The following ZNF554 variants were observed in gnomAD, a reference collection of about 807,000 sequenced individuals.
The protein encoded by ZNF554 is zinc finger protein 554.
Under a neutral mutation model 21.2 loss-of-function variants are expected in ZNF554, and 15 were observed. The observed-to-expected ratio is 0.71, with a 90% CI of 0.47 to 1.09. The LOEUF is 1.09. ZNF554 is among the 50% of genes least tolerant of loss of function. ZNF554 has a pLI of 0.00. For missense variants in ZNF554, 691 were observed against 662.7 expected, an observed-to-expected ratio of 1.04 and a Z score of -0.47; for synonymous variants, 258 against 251.4, an observed-to-expected ratio of 1.03 and a Z score of -0.25.
Position 2,821,106 on chromosome 19 carries a change from TC to T in ZNF554, c.53+983del, listed in dbSNP as rs2087257449. On this transcript the variant is annotated intron_variant, in intron 1 of 4. Transcript: ENST00000317243. This position sits in a 1 kb window ranked among gnomAD's most constrained non-coding sequence, Gnocchi z 8.2. ...TTTCTTTTTCTTCTTCTTTTTTTTT[TC>T]TTGAGACAGTCTCGCCCTATTGCCC... 6.6e-6 allele frequency among the ~76,000 whole-genome samples: 1 copy of T among 151,516 alleles called. No individual in the cohort carries two copies. Among genetic ancestry groups the T allele is most frequent in the African/African-American group, 2.4e-5 (1 of 40,982 alleles).
intron 2 of ZNF554, among the ~76,000 whole-genome samples, chr19:2,825,373 C>T (rs897119067): frequency 2.0e-5 from 3 of 152,072 alleles, no homozygotes; most frequent in Non-Finnish European, 2.9e-5. Flanking sequence ...TGCAGTGGCA[C>T]AATCTCAGCT....
At chr19:2,820,943 C>T (rs1295004348) in intron 1 of ZNF554, among the ~76,000 whole-genome samples, 2 of 150,866 alleles carry the variant, frequency 1.3e-5, no homozygotes, top group Non-Finnish European at 1.5e-5. Flanking sequence ...GGATTACAGG[C>T]GTGAGCCACC....
At chr19:2,832,516 A>G in intron 4 of ZNF554, 22 bp downstream of exon 4, 1 of 1,567,828 alleles carries the variant, frequency 6.4e-7, no homozygotes, top group South Asian at 1.2e-5. Flanking sequence ...GCAGATAGAA[A>G]CCATTGGGAT....
chr19:2,820,550 T>C (rs777992726), intron 1 of ZNF554, among the ~76,000 whole-genome samples: 2 of 152,048 alleles, frequency 1.3e-5, no homozygotes, highest in Non-Finnish European at 2.9e-5. Flanking sequence ...ATGGAGTAGG[T>C]GGAGGCCAGG....
chr19:2,834,165 C>G lies in ZNF554; in HGVS notation c.930C>G (p.Ala310=), dbSNP rs775169109. 3.1e-6 allele frequency: 5 copies of G among 1,613,908 alleles called. No homozygotes were observed. The South Asian group carries it at 5.5e-5, about 18-fold the overall frequency. ...ENGQSLNHGM[A]LTIHNKINTA... is the part of the protein sequence containing the mutation. ...GGCAGTCATTGAACCACGGTATGGC[C>G]CTGACTATCCACAACAAAATCAACA... Residue 310 remains alanine, a synonymous_variant, in exon 5 of 5, where the codon GCC becomes GCG. Transcript: ENST00000317243.
At position 2,834,951 on chromosome 19, in the gene ZNF554, T is replaced by C. The variant is rs2087480857; in HGVS notation, c.*99T>C. The C allele has an allele frequency of 1.3e-5, 15 of 1,117,488 alleles. No individual in the cohort carries two copies. The highest frequency in any genetic ancestry group is 1.9e-5 in the Non-Finnish European group (15 of 789,900). The allele number at this position is 1,117,488 out of a possible 1,614,324, so 69.2% of individuals were successfully genotyped here. On this transcript the variant is annotated 3_prime_UTR_variant, in exon 5 of 5. Transcript: ENST00000317243. Reference sequence around the variant, plus strand: ...GATGGATAATTTGAAAAGAAGTGGGTTTATGTCACCTTCTCACCTTCTTAT... The same window carrying C: ...GATGGATAATTTGAAAAGAAGTGGGCTTATGTCACCTTCTCACCTTCTTAT...
intron 1 of ZNF554, among the ~76,000 whole-genome samples, chr19:2,820,700 T>C (rs1357445312): frequency 6.7e-6 from 1 of 149,818 alleles, no homozygotes; most frequent in African/African-American, 2.5e-5. Flanking sequence ...TTTTTTTTTT[T>C]GAGACGGAGT....
In ZNF554 at chr19:2,833,728, G is replaced by A; in HGVS notation, c.493G>A (p.Ala165Thr). ...CCAAGACTCAACTTACAAGAAGGTG[G>A]CTTTGCAGGAGGAACCAGCCAGTGG... ...RNQDSTYKKVALQEEPASGIN... is the reference protein window; with the variant it reads ...RNQDSTYKKVTLQEEPASGIN... The change falls in exon 5 of 5, where the codon GCT becomes ACT. Residue 165 changes from alanine (A) to threonine (T), a missense_variant. Physicochemically the swap from Ala to Thr is moderately conservative, Grantham distance 58. Coordinates refer to ENST00000317243, the MANE Select transcript of ZNF554 (RefSeq NM_001102651.2). 1 of 1,548,020 alleles carries A rather than the reference G, an allele frequency of 6.5e-7. No individual in the cohort carries two copies. The highest frequency in any genetic ancestry group is 8.7e-7 in the Non-Finnish European group (1 of 1,148,098).
intron 2 of ZNF554, among the ~76,000 whole-genome samples, chr19:2,824,258 G>T (rs1431038097): frequency 6.6e-6 from 1 of 152,216 alleles, no homozygotes; most frequent in African/African-American, 2.4e-5. Context: ...TTCCTGGAGT[G>T]CGAGGCCCAG....
At chr19:2,828,671 T>A (rs1043875710) in intron 3 of ZNF554, among the ~76,000 whole-genome samples, 1 of 94,920 alleles carries the variant, frequency 1.1e-5, no homozygotes, top group Non-Finnish European at 2.1e-5. Context: ...CAAGACTCCG[T>A]CTCAAGAAAA....
intron 2 of ZNF554, among the ~76,000 whole-genome samples, chr19:2,825,017 T>G (rs12608662): frequency 0.04 from 2,914 of 73,700 alleles, 29 homozygotes; most frequent in Middle Eastern, 0.096. Context: ...TTTTTTTTTT[T>G]TTTTTTTTTT....
chr19:2,820,683 C>CTT (rs1568330714), intron 1 of ZNF554, among the ~76,000 whole-genome samples: 2 of 81,836 alleles, frequency 2.4e-5, no homozygotes, highest in African/African-American at 1.2e-4. Flanking sequence ...CAGCAAGGGT[C>CTT]CTTTTTTTTT....
Position 2,835,824 on chromosome 19 carries a change from T to G in ZNF554, c.*972T>G, listed in dbSNP as rs911913879. 1 of 152,240 alleles carries G rather than the reference T, an allele frequency of 6.6e-6. No homozygotes were observed. The highest frequency in any genetic ancestry group is 1.5e-5 in the Non-Finnish European group (1 of 68,046). 9.4% of individuals were successfully genotyped at this position (152,240 alleles called of 1,614,324 possible). On this transcript the variant is annotated 3_prime_UTR_variant, in exon 5 of 5. Transcript: ENST00000317243. ...ATTGTTCATTGTTTTTATTTTAATA[T>G]TCTTTTCTGGGTTTATATGAGACGA...
At chr19:2,832,272 T>C (rs772495769) in intron 3 of ZNF554, 31 bp from the exon 4 acceptor site, 2 of 1,530,094 alleles carry the variant, frequency 1.3e-6, no homozygotes, top group Non-Finnish European at 1.8e-6. Context: ...TATCTTGTGC[T>C]ACCTCTCAAG....
intron 3 of ZNF554, among the ~76,000 whole-genome samples, chr19:2,828,929 C>G (rs573681987): frequency 6.6e-6 from 1 of 152,030 alleles, no homozygotes; most frequent in African/African-American, 2.4e-5. Context: ...TCCCTTGACA[C>G]GTGGGGATTA....
At chr19:2,832,708 G>A (rs567894536) in intron 4 of ZNF554, among the ~76,000 whole-genome samples, 8 of 152,204 alleles carry the variant, frequency 5.3e-5, no homozygotes, top group African/African-American at 1.7e-4. Flanking sequence ...TCATTTTCTT[G>A]TTTTATTTAT....
Position 2,821,837 on chromosome 19 carries a change from T to C in ZNF554, c.54-1203T>C, listed in dbSNP as rs1197515801. On this transcript the variant is annotated intron_variant, in intron 1 of 4. Coordinates refer to ENST00000317243, the MANE Select transcript of ZNF554 (RefSeq NM_001102651.2). This position sits in a 1 kb window ranked among gnomAD's most constrained non-coding sequence, Gnocchi z 8.2. The stretch of plus-strand genomic sequence containing the variant: ...CGCCACCACACCCAGCTAATTTTTG[T>C]ATTTTTAGTAGAGACGGGGGTTTTG... Among the ~76,000 whole-genome samples the C allele has an allele frequency of 6.6e-6, 1 of 151,974 alleles. No homozygotes were observed. Among genetic ancestry groups the C allele is most frequent in the Non-Finnish European group, 1.5e-5 (1 of 67,970 alleles).
At chr19:2,820,683 C>CTTTT (rs1568330714) in intron 1 of ZNF554, among the ~76,000 whole-genome samples, 1 of 81,832 alleles carries the variant, frequency 1.2e-5, no homozygotes, top group African/African-American at 6.1e-5. Flanking sequence ...CAGCAAGGGT[C>CTTTT]CTTTTTTTTT....
chr19:2,820,052 G>A lies in ZNF554; in HGVS notation c.-20G>A. On this transcript the variant is annotated 5_prime_UTR_variant, in exon 1 of 5. Transcript: ENST00000317243. ...GCTCCCGCCTCGGGGGCCCTGTCTG[G>A]CGCCTCAGCGCGCGCCCCGATGGTC... 8.3e-7 allele frequency: 1 copy of A among 1,205,760 alleles called. No individual in the cohort carries two copies. Among genetic ancestry groups the A allele is most frequent in the Non-Finnish European group, 1.0e-6 (1 of 971,000 alleles). The allele number at this position is 1,205,760 out of a possible 1,614,324, so 74.7% of individuals were successfully genotyped here. A position where few individuals can be genotyped will look rare whatever the true frequency, so the allele number is the denominator to read the frequency against.
Sources: gnomAD v4.1 joint callset for allele counts (sites outside exome capture counted in the v4.1 genomes callset) on GRCh38, gnomAD v4.1.1 for gene constraint, Gnocchi (gnomAD v3.1) non-coding constraint, MANE v1.5 for transcripts, NCBI Gene and HGNC (gene_info 2026-07-23, HGNC 2026-07-21) for gene names.